PDE8B: variants seen among roughly 807,000 people sequenced by gnomAD.
PDE8B encodes the protein high affinity cAMP-specific and IBMX-insensitive 3',5'-cyclic phosphodiesterase 8B.
A neutral mutation model predicts 101.3 loss-of-function variants in PDE8B; 26 were observed. The observed-to-expected ratio is 0.26, with a 90% confidence interval of 0.19 to 0.36. The LOEUF is 0.36. PDE8B is among the 10% of genes least tolerant of loss of function. The pLI is 1.00. For missense variants in PDE8B, 810 were observed against 1,163.1 expected (o/e 0.70, Z 4.42); for synonymous variants, 424 against 429.3 (o/e 0.99, Z 0.15).
rs369302890 is a variant in PDE8B at position 77,284,771 on chromosome 5, A to G, written c.340-27223A>G. ...TCTGGCTTCTTTTGCTTAATGTTAC[A>G]TTTCAGAAATAATCCATCTTATTGG... On this transcript the variant is annotated intron_variant, in intron 1 of 21. Coordinates refer to ENST00000264917, the MANE Select transcript of PDE8B (RefSeq NM_003719.5). 2.0e-5 allele frequency among the ~76,000 whole-genome samples: 3 copies of G among 152,198 alleles called. No homozygotes were observed. The East Asian group carries it at 5.8e-4, about 29-fold the overall frequency.
intron 10 of PDE8B, among the ~76,000 whole-genome samples, chr5:77,380,407 G>T (rs974616734): frequency 1.3e-5 from 2 of 152,142 alleles, no homozygotes; most frequent in African/African-American, 4.8e-5. Flanking sequence ...TAGATATTTG[G>T]CCTCCATTTC....
chr5:77,097,703 ATATC>A, the PDE8B span, among the ~76,000 whole-genome samples: 387 of 22,490 alleles, frequency 0.017, 25 homozygotes, highest in African/African-American at 0.044. Context: ...CTATATATAT[ATATC>A]TATATATATA....
intron 10 of PDE8B, among the ~76,000 whole-genome samples, chr5:77,375,882 T>C (rs1215522267): frequency 2.2e-5 from 3 of 139,300 alleles, no homozygotes; most frequent in African/African-American, 8.3e-5. Flanking sequence ...ACTTTGTGCC[T>C]TGATTTCTTT....
intron 1 of PDE8B, among the ~76,000 whole-genome samples, chr5:77,253,426 C>T (rs1758475289): frequency 6.6e-6 from 1 of 152,144 alleles, no homozygotes; most frequent in African/African-American, 2.4e-5. Flanking sequence ...AAATTCCTGT[C>T]TCCAAAGCAT....
Position 77,218,687 on chromosome 5 carries a change from AT to A in PDE8B, c.339+7424del, listed in dbSNP as rs1258640438. On this transcript the variant is annotated intron_variant, in intron 1 of 21. Transcript: ENST00000264917. ...TTTGAAGTTGGAGAAGAATTAAAAA[AT>A]GCACACAAAATGTGACAAGCTCTGG... is the stretch of plus-strand genomic sequence containing the variant. Among the ~76,000 whole-genome samples the A allele has an allele frequency of 5.9e-5, 9 of 152,364 alleles. No individual in the cohort carries two copies. In the East Asian group the frequency reaches 1.5e-3, roughly 26 times the overall value.
chr5:77,097,728 TATATAC>T, the PDE8B span, among the ~76,000 whole-genome samples: 3 of 63,212 alleles, frequency 4.7e-5, no homozygotes, highest in South Asian at 1.1e-3. Context: ...TATATATATA[TATATAC>T]ATACATATGA....
At chr5:77,247,913 T>A (rs1423934653) in intron 1 of PDE8B, among the ~76,000 whole-genome samples, 1 of 152,134 alleles carries the variant, frequency 6.6e-6, no homozygotes, top group Non-Finnish European at 1.5e-5. Flanking sequence ...ATTCAGTAAA[T>A]GTTTGCTGTC....
chr5:77,266,800 C>T (rs906936973), intron 1 of PDE8B, among the ~76,000 whole-genome samples: 16 of 151,868 alleles, frequency 1.1e-4, no homozygotes, highest in Non-Finnish European at 1.5e-5. Flanking sequence ...TATAATTCTT[C>T]ATGTTGGTGG....
chr5:77,420,531 G>A (rs1452539544), intron 19 of PDE8B, among the ~76,000 whole-genome samples: 2 of 152,070 alleles, frequency 1.3e-5, no homozygotes, highest in African/African-American at 2.4e-5. Flanking sequence ...GCTCATTCCT[G>A]TTGAGCGGCA....
intron 6 of PDE8B, among the ~76,000 whole-genome samples, chr5:77,338,063 C>T (rs767762526): frequency 1.3e-4 from 20 of 152,176 alleles, no homozygotes; most frequent in African/African-American, 2.2e-4. Context: ...CTTCTCCACC[C>T]GTGGGCCACT....
At chr5:77,318,055 C>CAAAAAAAAAAAAAAAAAAAA (rs55952764) in intron 2 of PDE8B, among the ~76,000 whole-genome samples, 1 of 57,182 alleles carries the variant, frequency 1.7e-5, no homozygotes, top group African/African-American at 7.1e-5. Context: ...GACTCCATCT[C>CAAAAAAAAAAAAAAAAAAAA]AAAAAAAAAA....
chr5:77,102,681 A>G, the PDE8B span, among the ~76,000 whole-genome samples: 1 of 150,632 alleles, frequency 6.6e-6, no homozygotes, highest in East Asian at 1.9e-4. Flanking sequence ...CCTATGTGTA[A>G]CAAAACCCTT....
At chr5:77,289,906 A>C (rs1466484933) in intron 1 of PDE8B, among the ~76,000 whole-genome samples, 1 of 152,224 alleles carries the variant, frequency 6.6e-6, no homozygotes, top group African/African-American at 2.4e-5. Context: ...CAAGCTAAAG[A>C]GCTTATGCTG....
intron 1 of PDE8B, among the ~76,000 whole-genome samples, chr5:77,273,755 T>A (rs1229252681): frequency 6.6e-6 from 1 of 152,160 alleles, no homozygotes; most frequent in Non-Finnish European, 1.5e-5. Context: ...GTTTGATTTT[T>A]ATTAACACAA....
intron 1 of PDE8B, chr5:77,213,887 G>A (rs1329651438): frequency 6.6e-6 from 1 of 151,934 alleles, no homozygotes; most frequent in Non-Finnish European, 1.5e-5. Flanking sequence ...CAAACATGAT[G>A]TCAACAGGAA....
At chr5:77,291,285 C>T in intron 1 of PDE8B, 1 of 1,613,058 alleles carries the variant, frequency 6.2e-7, no homozygotes, top group African/African-American at 1.3e-5. Flanking sequence ...CCCTAATGTT[C>T]TCTATGGGCC....
chr5:77,381,579 G>A (rs768941475), intron 10 of PDE8B, among the ~76,000 whole-genome samples: 2 of 151,904 alleles, frequency 1.3e-5, no homozygotes, highest in Non-Finnish European at 2.9e-5. Flanking sequence ...ACTCATTTTA[G>A]TTGCTAAAAA....
chr5:77,156,130 C>T, the PDE8B span, among the ~76,000 whole-genome samples: 1 of 152,130 alleles, frequency 6.6e-6, no homozygotes, highest in Non-Finnish European at 1.5e-5. Context: ...ACCCTGAGCA[C>T]GCACTGATTA....
intron 10 of PDE8B, among the ~76,000 whole-genome samples, chr5:77,388,033 C>T (rs967267801): frequency 6.6e-6 from 1 of 152,136 alleles, no homozygotes; most frequent in African/African-American, 2.4e-5. Context: ...GCTCCTTTAG[C>T]TCGGAGGAGT....
Sources: gnomAD v4.1 joint callset for allele counts (sites outside exome capture counted in the v4.1 genomes callset) on GRCh38, gnomAD v4.1.1 for gene constraint, MANE v1.5 for transcripts, NCBI Gene and HGNC (gene_info 2026-07-23, HGNC 2026-07-21) for gene names.